The following POLE variants were observed in gnomAD, a reference collection of about 807,000 sequenced individuals.
The protein encoded by POLE is DNA polymerase epsilon catalytic subunit A.
A neutral mutation model predicts 279.2 loss-of-function variants in POLE; 188 were observed. That is an observed-to-expected ratio of 0.67 (90% CI 0.60 to 0.76). The LOEUF is 0.76. Among genes scored for constraint, POLE ranks in the 30% least tolerant of loss-of-function variants. The pLI, the probability that POLE is intolerant of heterozygous loss-of-function variation, is 0.00. For missense variants in POLE, 2,703 were observed against 3,016.7 expected (o/e 0.90, Z 2.44); for synonymous variants, 1,214 against 1,172.5 (o/e 1.04, Z -0.72).
chr12:132,685,355 T>C (rs1203104599), intron 1 of POLE, among the ~76,000 whole-genome samples: 2 of 152,162 alleles, frequency 1.3e-5, no homozygotes, highest in East Asian at 1.9e-4. Context: ...GACTGGTTAC[T>C]GTATCACACC....
rs375271440 is a variant in POLE at position 132,679,709 on chromosome 12, G to A, written c.424-58C>T. 8.7e-5 allele frequency: 136 copies of A among 1,558,014 alleles called. 2 individuals are homozygous for A. The South Asian group carries it at 1.2e-3, about 13-fold the overall frequency. On this transcript the variant is annotated intron_variant, in intron 5 of 48. Coordinates refer to ENST00000320574, the MANE Select transcript of POLE (RefSeq NM_006231.4). The stretch of plus-strand genomic sequence containing the variant: ...AAGAGAAATAGGACTTTATGGGTGA[G>A]AGGGTAAACACTCAAAGGTAAACAC...
intron 45 of POLE, among the ~76,000 whole-genome samples, chr12:132,630,411 T>C (rs1234170921): frequency 6.6e-6 from 1 of 152,090 alleles, no homozygotes; most frequent in African/African-American, 2.4e-5. Context: ...AACCTAAAAC[T>C]TCACCAAAGA....
intron 2 of POLE, 78 bp from the exon 3 acceptor site, chr12:132,680,765 A>G: frequency 8.9e-7 from 1 of 1,127,730 alleles, no homozygotes; most frequent in South Asian, 1.3e-5. Flanking sequence ...CCTTTCGGGA[A>G]ACTCAGCACT....
rs1565965882 is a variant in POLE, at chr12:132,668,461, G to T, written c.2068C>A (p.Leu690Met). 8 of 1,611,068 alleles carry T rather than the reference G, an allele frequency of 5.0e-6. No individual in the cohort carries two copies. Among genetic ancestry groups the T allele is most frequent in the Non-Finnish European group, 6.8e-6 (8 of 1,178,404 alleles). The change falls in exon 19 of 49, where the codon CTG (leucine) becomes ATG (methionine). Residue 690 changes from leucine to methionine, a missense_variant. Physicochemically the swap from Leu to Met is conservative, Grantham distance 15 (BLOSUM62 2). Transcript: ENST00000320574. The surrounding 1 kb of genome is among the most constrained non-coding windows in gnomAD (Gnocchi z 4.0). ...RSEYHRIQHQ[L>M]ESEKFPPLFP... is the part of the protein sequence containing the mutation. ...AAGGGGGGGAACTTCTCTGACTCCA[G>T]CTGGTGCTGGATCCGATGGTATTCG...
At chr12:132,679,006 G>A (rs138012242) in intron 6 of POLE, among the ~76,000 whole-genome samples, 9 of 152,324 alleles carry the variant, frequency 5.9e-5, no homozygotes, top group African/African-American at 2.2e-4. Flanking sequence ...TTCTTCCGAA[G>A]TCATCTAAAC....
intron 26 of POLE, chr12:132,658,377 T>A (rs1193523181): frequency 5.5e-6 from 1 of 180,586 alleles, no homozygotes; most frequent in East Asian, 1.7e-4. Flanking sequence ...CATAAACGCA[T>A]GCGTGCGTAA....
chr12:132,640,604 G>A (rs908148747), intron 39 of POLE, among the ~76,000 whole-genome samples: 16 of 152,250 alleles, frequency 1.1e-4, no homozygotes, highest in African/African-American at 3.6e-4. Flanking sequence ...TCTGGTACTG[G>A]AACCCCAATT....
Position 132,658,415 on chromosome 12 carries a change from C to G in POLE, c.3276-445G>C, listed in dbSNP as rs548850065. The stretch of plus-strand genomic sequence containing the variant: ...ATGTCTACGTTTCTGAGTAACCACG[C>G]GCATGCGTATAGGCAAAGACATGCG... On this transcript the variant is annotated intron_variant, in intron 26 of 48. Coordinates refer to ENST00000320574, the MANE Select transcript of POLE (RefSeq NM_006231.4). The G allele has an allele frequency of 1.1e-4, 19 of 169,544 alleles. No individual in the cohort carries two copies. The South Asian group carries it at 2.5e-3, about 22-fold the overall frequency. The allele number at this position is 169,544 out of a possible 1,614,324, so 10.5% of individuals were successfully genotyped here. A position where few individuals can be genotyped will look rare whatever the true frequency, so the allele number is the denominator to read the frequency against.
Position 132,675,257 on chromosome 12 carries a change from G to A in POLE, c.1226+141C>T, listed in dbSNP as rs1487338046. ...CCCGGGCCCTGGCAGGGTTGCAGCT[G>A]CCATACTCTTGGGTGACCTGAAACG... On this transcript the variant is annotated intron_variant, in intron 12 of 48. Transcript: ENST00000320574. The surrounding 1 kb of genome is among the most constrained non-coding windows in gnomAD (Gnocchi z 4.3). 2.0e-6 allele frequency: 2 copies of A among 1,015,754 alleles called. No individual in the cohort carries two copies. The highest frequency in any genetic ancestry group is 3.2e-5 in the African/African-American group (2 of 61,820). The allele number at this position is 1,015,754 out of a possible 1,614,324, so 62.9% of individuals were successfully genotyped here.
chr12:132,641,064 T>A (rs755864372), intron 39 of POLE: 7 of 456,578 alleles, frequency 1.5e-5, no homozygotes, highest in South Asian at 1.1e-4. Flanking sequence ...CCCTCTGACC[T>A]CAGTTTCCTT....
At position 132,675,716 on chromosome 12, in the gene POLE, A is replaced by C; in HGVS notation, c.1106+19T>G. On this transcript the variant is annotated intron_variant, in intron 11 of 48. Transcript: ENST00000320574. The surrounding 1 kb of genome is among the most constrained non-coding windows in gnomAD (Gnocchi z 4.3). The stretch of plus-strand genomic sequence containing the variant: ...TCTCAAATGCTGCCCAGTTACTCAT[A>C]GAGAAGACACAGACTCACCAGTCAA... The C allele has an allele frequency of 6.2e-7, 1 of 1,608,794 alleles. No individual in the cohort carries two copies. Among genetic ancestry groups the C allele is most frequent in the Non-Finnish European group, 8.5e-7 (1 of 1,175,244 alleles).
At chr12:132,652,754 G>A (rs1268248666) in intron 29 of POLE, among the ~76,000 whole-genome samples, 2 of 152,140 alleles carry the variant, frequency 1.3e-5, no homozygotes, top group Non-Finnish European at 2.9e-5. Flanking sequence ...ACTAACAGGG[G>A]AGTCTGTTTC....
intron 16 of POLE, among the ~76,000 whole-genome samples, chr12:132,670,704 A>G (rs557902249): frequency 3.3e-5 from 5 of 152,116 alleles, no homozygotes; most frequent in Admixed American, 6.5e-5. Context: ...CGTGTTAGCC[A>G]GGATGGTCTC....
rs35854836 is a variant in POLE at position 132,633,162 on chromosome 12, CTTT to C, written c.6005-370_6005-368del. ...CCGGGCCTGTCACCTGGCACTTACC[CTTT>C]TTTTTTTTTTTTTTTGAGACACAGT... On this transcript the variant is annotated intron_variant, in intron 43 of 48. Transcript: ENST00000320574. The C allele has an allele frequency of 8.3e-3, 1,212 of 146,096 alleles. 6 individuals are homozygous for C. The highest frequency in any genetic ancestry group is 0.013 in the Admixed American group (201 of 14,980). The allele number at this position is 146,096 out of a possible 1,614,324, so 9.0% of individuals were successfully genotyped here.
rs2138691969 is a variant in POLE at position 132,661,128 on chromosome 12, C to T, written c.2901G>A (p.Glu967=). 1.9e-6 allele frequency: 3 copies of T among 1,613,344 alleles called. No homozygotes were observed. Among genetic ancestry groups the T allele is most frequent in the Non-Finnish European group, 2.5e-6 (3 of 1,179,746 alleles). ...AVFNEDGSLA[E]LKGFEVKRRG... Reference sequence around the variant, plus strand: ...GGCGTTTGACCTCAAAGCCCTTGAGCTCAGCCAGAGAACCGTCTTCATTGA... The same window carrying T: ...GGCGTTTGACCTCAAAGCCCTTGAGTTCAGCCAGAGAACCGTCTTCATTGA... The change falls in exon 25 of 49, where the codon GAG becomes GAA. Residue 967 remains glutamate, a synonymous_variant. Transcript: ENST00000320574. The surrounding 1 kb of genome is among the most constrained non-coding windows in gnomAD (Gnocchi z 4.1).
intron 29 of POLE, among the ~76,000 whole-genome samples, 154 bp downstream of exon 29, chr12:132,656,980 TAG>T (rs1593765341): frequency 6.6e-6 from 1 of 152,066 alleles, no homozygotes; most frequent in Admixed American, 6.5e-5. Context: ...CACTCAGAGT[TAG>T]AGAGTAAAGT....
Position 132,668,855 on chromosome 12 carries a change from C to G in POLE, c.1879G>C (p.Val627Leu), listed in dbSNP as rs747929590. The change falls in exon 17 of 49, where the codon GTG (valine) becomes CTG (leucine). Residue 627 changes from valine (V) to leucine (L), a missense_variant. By Grantham distance (32) the Val-to-Leu change is conservative. Transcript: ENST00000320574. The surrounding 1 kb of genome is among the most constrained non-coding windows in gnomAD (Gnocchi z 4.0). The stretch of plus-strand genomic sequence containing the variant: ...ATGATGTTGGGGTACATGGCCCCCA[C>G]GTCCAGGTGGTAGATGAGTGGACAC... ...IECPLIYHLD[V>L]GAMYPNIILT... 6.2e-7 allele frequency: 1 copy of G among 1,614,128 alleles called. No individual in the cohort carries two copies.
rs5744845 is a variant in POLE at position 132,661,101 on chromosome 12, G to A, written c.2928C>T (p.Arg976=). The A allele has an allele frequency of 1.6e-3, 2,651 of 1,613,682 alleles. 29 individuals are homozygous for A. The African/African-American group carries it at 0.031, about 19-fold the overall frequency. Residue 976 remains arginine, a synonymous_variant, in exon 25 of 49, where the codon CGC becomes CGT. Transcript: ENST00000320574. This position sits in a 1 kb window ranked among gnomAD's most constrained non-coding sequence, Gnocchi z 4.1. ...AGATCTTAATCAGCTGCAGTTCCCC[G>A]CGGCGTTTGACCTCAAAGCCCTTGA... ...AELKGFEVKR[R]GELQLIKIFQ...
intron 20 of POLE, among the ~76,000 whole-genome samples, chr12:132,666,992 T>C (rs2042811075): frequency 6.6e-6 from 1 of 151,978 alleles, no homozygotes; most frequent in Non-Finnish European, 1.5e-5. Flanking sequence ...AGAAAAAAAA[T>C]GGCTCAATCT....
Sources: gnomAD v4.1 joint callset for allele counts (sites outside exome capture counted in the v4.1 genomes callset) on GRCh38, gnomAD v4.1.1 for gene constraint, Gnocchi (gnomAD v3.1) non-coding constraint, MANE v1.5 for transcripts, NCBI Gene and HGNC (gene_info 2026-07-23, HGNC 2026-07-21) for gene names.